ARHGEF25: variants seen among roughly 807,000 people sequenced by gnomAD.
ARHGEF25 encodes the protein Rho guanine nucleotide exchange factor 25.
Under a neutral mutation model 74.0 loss-of-function variants are expected in ARHGEF25, and 42 were observed. That is an observed-to-expected ratio of 0.57 (90% CI 0.44 to 0.73). The LOEUF (loss-of-function observed/expected upper bound fraction) is 0.73, where lower values mean the gene tolerates loss of function less well. ARHGEF25 is among the 30% of genes least tolerant of loss of function. The pLI, the probability that ARHGEF25 is intolerant of heterozygous loss-of-function variation, is 0.00. For missense variants in ARHGEF25, 645 were observed against 725.5 expected, an observed-to-expected ratio of 0.89 and a Z score of 1.27; for synonymous variants, 293 against 278.6, an observed-to-expected ratio of 1.05 and a Z score of -0.51.
rs538464790 is a variant in ARHGEF25, at chr12:57,614,315, C to T, written c.657-16C>T. On this transcript the variant is annotated splice_polypyrimidine_tract_variant and intron_variant, in intron 6 of 14. Coordinates refer to ENST00000286494, the MANE Select transcript of ARHGEF25 (RefSeq NM_182947.4). The surrounding 1 kb of genome is among the most constrained non-coding windows in gnomAD (Gnocchi z 4.6). ...GAAATGTATTTGACCTGCTGCTTCTCTACCAACCCCTCCAGCTATTTCTTG... is the reference window on the plus strand; with the variant it reads ...GAAATGTATTTGACCTGCTGCTTCTTTACCAACCCCTCCAGCTATTTCTTG... The T allele has an allele frequency of 3.1e-6, 5 of 1,614,114 alleles. No homozygotes were observed. The highest frequency in any genetic ancestry group is 1.3e-5 in the African/African-American group (1 of 75,040).
In ARHGEF25 at chr12:57,613,335, G is replaced by A. The variant is rs1002032774; in HGVS notation, c.384G>A (p.Leu128=). 6.2e-7 allele frequency: 1 copy of A among 1,614,224 alleles called. No individual in the cohort carries two copies. Among genetic ancestry groups the A allele is most frequent in the Non-Finnish European group, 8.5e-7 (1 of 1,180,040 alleles). Reference sequence around the variant, plus strand: ...AACTGACCTTGCTGACCACACTGTTGGAGGGCCCTGGAGATAAGACGCAGG... The same window carrying A: ...AACTGACCTTGCTGACCACACTGTTAGAGGGCCCTGGAGATAAGACGCAGG... ...LPELTLLTTL[L]EGPGDKTQPP... The change falls in exon 3 of 15, where the codon TTG becomes TTA. Residue 128 remains leucine, a synonymous_variant. Coordinates refer to ENST00000286494, the MANE Select transcript of ARHGEF25 (RefSeq NM_182947.4).
At position 57,616,925 on chromosome 12, in the gene ARHGEF25, C is replaced by T; in HGVS notation, c.*31C>T. The T allele has an allele frequency of 1.9e-6, 3 of 1,548,294 alleles. No homozygotes were observed. The highest frequency in any genetic ancestry group is 2.7e-6 in the Non-Finnish European group (3 of 1,122,258). ...GAAAACCATGGGGGTGGTGCTGACTCAGCCGCCTATTCCCCAAGGAGCTTC... is the reference window on the plus strand; with the variant it reads ...GAAAACCATGGGGGTGGTGCTGACTTAGCCGCCTATTCCCCAAGGAGCTTC... On this transcript the variant is annotated 3_prime_UTR_variant, in exon 15 of 15. Transcript: ENST00000286494.
chr12:57,610,488 T>C (rs1594956506), upstream of ARHGEF25: 6 of 1,255,766 alleles, frequency 4.8e-6, no homozygotes, highest in East Asian at 1.5e-4. Flanking sequence ...ACAATGTGGG[T>C]TTTGACAGGT....
At chr12:57,610,138 C>T (rs1049938058), upstream of ARHGEF25, 4 of 747,678 alleles carry the variant, frequency 5.3e-6, no homozygotes, top group African/African-American at 5.3e-5. Context: ...AGCAACTCCC[C>T]GGACGCGCGC....
At chr12:57,610,272 T>TG (rs753607714), upstream of ARHGEF25, 15 of 1,516,448 alleles carry the variant, frequency 9.9e-6, no homozygotes, top group Admixed American at 3.9e-5. Context: ...CTGGGGGTCA[T>TG]GGGGGGCATG....
rs375363749 is a variant in ARHGEF25, at chr12:57,616,958, T to A, written c.*64T>A. 35 of 1,287,812 alleles carry A rather than the reference T, an allele frequency of 2.7e-5. 1 individual carries two copies. In the East Asian group the frequency reaches 4.6e-4, roughly 17 times the overall value. 79.8% of individuals were successfully genotyped at this position (1,287,812 alleles called of 1,614,324 possible). On this transcript the variant is annotated 3_prime_UTR_variant, in exon 15 of 15. Coordinates refer to ENST00000286494, the MANE Select transcript of ARHGEF25 (RefSeq NM_182947.4). ...TATTCCCCAAGGAGCTTCAGGGCAG[T>A]CCTTCTGGCACTGCTCCAGAATTCC...
At chr12:57,615,336 C>T (rs767017198) in intron 11 of ARHGEF25, 22 bp downstream of exon 11, 5 of 1,593,854 alleles carry the variant, frequency 3.1e-6, no homozygotes, top group Non-Finnish European at 3.4e-6. Flanking sequence ...GGGCAAGAAA[C>T]TGGAGGCCCG....
At chr12:57,610,222 G>A (rs1565724399), upstream of ARHGEF25, 1 of 1,592,074 alleles carries the variant, frequency 6.3e-7, no homozygotes, top group Non-Finnish European at 8.6e-7. Flanking sequence ...TCAGTATGAA[G>A]CCCCCGGACC....
Position 57,613,836 on chromosome 12 carries a change from G to T in ARHGEF25, c.552+76G>T, listed in dbSNP as rs114200357. ...CCAGGGCTATTTTCAGGAGGTGCCT[G>T]GGCGCTCCTCTGTCCCACCTCTCAA... On this transcript the variant is annotated intron_variant, in intron 5 of 14. Transcript: ENST00000286494. 1.6e-3 allele frequency: 2,563 copies of T among 1,567,060 alleles called. 34 individuals carry two copies. In the African/African-American group the frequency reaches 0.028, roughly 17 times the overall value.
upstream of ARHGEF25, chr12:57,610,450 T>C (rs1220547348): frequency 1.8e-6 from 2 of 1,092,192 alleles, no homozygotes; most frequent in East Asian, 2.6e-5. Context: ...ACGAGGGCCA[T>C]AGCCCCGTTC....
rs376098907 is a variant in ARHGEF25, at chr12:57,616,253, A to T, written c.1421-31A>T. 109 of 1,591,300 alleles carry T rather than the reference A, an allele frequency of 6.8e-5. No homozygotes were observed. In the African/African-American group the frequency reaches 1.4e-3, roughly 20 times the overall value. On this transcript the variant is annotated intron_variant, in intron 13 of 14. Coordinates refer to ENST00000286494, the MANE Select transcript of ARHGEF25 (RefSeq NM_182947.4). ...TAGGGAGCAGACCTGTCTCTGCGGT[A>T]ACCCTCCTTCTGTTCCTCTCTTTGC...
At position 57,615,000 on chromosome 12, in the gene ARHGEF25, G is replaced by C; in HGVS notation, c.943G>C (p.Asp315His). The C allele has an allele frequency of 1.2e-6, 2 of 1,614,110 alleles. No homozygotes were observed. The highest frequency in any genetic ancestry group is 2.2e-5 in the South Asian group (2 of 91,078). Reference sequence around the variant, plus strand: ...CAAGTATTACAATAGAGCTGGGATGGATACTGCAGACCTAGAGGTGAGGAC... The same window carrying C: ...CAAGTATTACAATAGAGCTGGGATGCATACTGCAGACCTAGAGGTGAGGAC... ...FLKYYNRAGM[D>H]TADLEQAVEV... Residue 315 changes from aspartate (D) to histidine (H), a missense_variant, in exon 10 of 15, where the codon GAT becomes CAT. Asp to His is a moderately conservative substitution (Grantham distance 81). This residue lies in a region of ARHGEF25 where 194 missense variants were observed against 269.4 expected (regional missense o/e 0.72). Transcript: ENST00000286494. This position sits in a 1 kb window ranked among gnomAD's most constrained non-coding sequence, Gnocchi z 4.6.
intron 10 of ARHGEF25, 68 bp downstream of exon 10, chr12:57,615,085 C>A (rs1884224472): frequency 1.2e-6 from 2 of 1,600,616 alleles, no homozygotes; most frequent in Non-Finnish European, 1.7e-6. Context: ...ATGGGTTCCC[C>A]CAGCCCCTTG....
Position 57,611,754 on chromosome 12 carries a change from T to C in ARHGEF25, c.-141T>C. 8.6e-7 allele frequency: 1 copy of C among 1,165,738 alleles called. No individual in the cohort carries two copies. The highest frequency in any genetic ancestry group is 1.1e-6 in the Non-Finnish European group (1 of 936,404). 72.2% of individuals were successfully genotyped at this position (1,165,738 alleles called of 1,614,324 possible). On this transcript the variant is annotated 5_prime_UTR_variant, in exon 1 of 15. Coordinates refer to ENST00000286494, the MANE Select transcript of ARHGEF25 (RefSeq NM_182947.4). This position sits in a 1 kb window ranked among gnomAD's most constrained non-coding sequence, Gnocchi z 4.5. ...CCTACCCCTGGACACCTCCTCCCGG[T>C]CCCCTCCCTCCCCCCCTCCCACAGC...
rs772410817 is a variant in ARHGEF25, at chr12:57,611,949, G to C, written c.55G>C (p.Val19Leu). ...TGCCTGTCCCCGTGTGATCCGAAAA[G>C]TGCTGGCAAAATGCGGCTGCTGCTT... ...RCACPRVIRK[V>L]LAKCGCCFAR... The change falls in exon 1 of 15, where the codon GTG becomes CTG. Residue 19 changes from valine to leucine, a missense_variant. By Grantham distance (32) the Val-to-Leu change is conservative. Coordinates refer to ENST00000286494, the MANE Select transcript of ARHGEF25 (RefSeq NM_182947.4). This position sits in a 1 kb window ranked among gnomAD's most constrained non-coding sequence, Gnocchi z 4.5. 2 of 1,314,506 alleles carry C rather than the reference G, an allele frequency of 1.5e-6. No homozygotes were observed. Among genetic ancestry groups the C allele is most frequent in the Non-Finnish European group, 2.0e-6 (2 of 1,023,584 alleles). The allele number at this position is 1,314,506 out of a possible 1,614,324, so 81.4% of individuals were successfully genotyped here. A position where few individuals can be genotyped will look rare whatever the true frequency, so the allele number is the denominator to read the frequency against.
At chr12:57,615,343 C>T in intron 11 of ARHGEF25, 29 bp downstream of exon 11, 1 of 1,589,894 alleles carries the variant, frequency 6.3e-7, no homozygotes, top group Non-Finnish European at 8.6e-7. Context: ...AAACTGGAGG[C>T]CCGATGCTCT....
chr12:57,611,963 C>T lies in ARHGEF25; in HGVS notation c.69C>T (p.Cys23=). 2 of 1,313,296 alleles carry T rather than the reference C, an allele frequency of 1.5e-6. No homozygotes were observed. The highest frequency in any genetic ancestry group is 1.5e-5 in the African/African-American group (1 of 66,314). The allele number at this position is 1,313,296 out of a possible 1,614,324, so 81.4% of individuals were successfully genotyped here. A position where few individuals can be genotyped will look rare whatever the true frequency, so the allele number is the denominator to read the frequency against. Residue 23 remains cysteine (C), a synonymous_variant, in exon 1 of 15, where the codon TGC becomes TGT. Coordinates refer to ENST00000286494, the MANE Select transcript of ARHGEF25 (RefSeq NM_182947.4). The surrounding 1 kb of genome is among the most constrained non-coding windows in gnomAD (Gnocchi z 4.5). ...TGATCCGAAAAGTGCTGGCAAAATG[C>T]GGCTGCTGCTTCGCCCGGGGGGGAC... ...PRVIRKVLAK[C]GCCFARGGRE...
At chr12:57,610,803 A>C (rs1884008638), upstream of ARHGEF25, 2 of 773,270 alleles carry the variant, frequency 2.6e-6, no homozygotes, top group Non-Finnish European at 3.9e-6. Context: ...GACCCATTTA[A>C]TCGCAGAGAC....
At chr12:57,616,228 T>A in intron 13 of ARHGEF25, 56 bp from the exon 14 acceptor site, 1 of 1,547,022 alleles carries the variant, frequency 6.5e-7, no homozygotes, top group Non-Finnish European at 8.8e-7. Flanking sequence ...ATACAGGCCC[T>A]AGGGAGCAGA....
Sources: gnomAD v4.1 joint callset for allele counts on GRCh38, gnomAD v4.1.1 for gene constraint, gnomAD v4.1.1 regional missense constraint, Gnocchi (gnomAD v3.1) non-coding constraint, MANE v1.5 for transcripts, NCBI Gene and HGNC (gene_info 2026-07-23, HGNC 2026-07-21) for gene names.